The following SASH1 variants were observed in gnomAD, a reference collection of about 807,000 sequenced individuals.
The protein encoded by SASH1 is SAM and SH3 domain-containing protein 1.
SASH1 carries 44 observed loss-of-function variants against 125.2 expected under a neutral mutation model. The observed-to-expected ratio is 0.35, with a 90% CI of 0.28 to 0.45. SASH1 has a LOEUF of 0.45. SASH1 is among the 20% of genes least tolerant of loss of function. The pLI is 1.00. For synonymous variants in SASH1, 639 were observed against 649.1 expected, an observed-to-expected ratio of 0.98 and a Z score of 0.24; for missense variants, 1,426 against 1,614.5, an observed-to-expected ratio of 0.88 and a Z score of 2.00.
intron 2 of SASH1, among the ~76,000 whole-genome samples, chr6:148,404,337 T>G (rs955514890): frequency 1.2e-4 from 18 of 152,284 alleles, no homozygotes; most frequent in African/African-American, 4.1e-4. Flanking sequence ...GAAAGTGTAT[T>G]TGATAAGACA....
chr6:148,358,958 A>G (rs1025920694), intron 1 of SASH1, among the ~76,000 whole-genome samples: 3 of 151,702 alleles, frequency 2.0e-5, no homozygotes, highest in Admixed American at 6.6e-5. Flanking sequence ...GATGGTCTTG[A>G]TCTCCTGACC....
At chr6:148,520,777 CT>C (rs1297343184) in intron 10 of SASH1, among the ~76,000 whole-genome samples, 2 of 152,162 alleles carry the variant, frequency 1.3e-5, no homozygotes, top group African/African-American at 4.8e-5. Context: ...GATGCTTGCT[CT>C]TGGTTTTAAA....
intron 6 of SASH1, among the ~76,000 whole-genome samples, chr6:148,473,070 AATGGGAC>A (rs1778187025): frequency 6.6e-6 from 1 of 152,090 alleles, no homozygotes; most frequent in Admixed American, 6.5e-5. Context: ...TTTGGAATCT[AATGGGAC>A]ATTCTCTTCT....
At chr6:148,331,374 G>T (rs1223668323) in intron 1 of SASH1, among the ~76,000 whole-genome samples, 1 of 152,150 alleles carries the variant, frequency 6.6e-6, no homozygotes, top group Non-Finnish European at 1.5e-5. Context: ...CTGTCACCCA[G>T]GCTGGGGTGC....
At chr6:148,375,585 A>G (rs1782860408) in intron 1 of SASH1, among the ~76,000 whole-genome samples, 1 of 152,216 alleles carries the variant, frequency 6.6e-6, no homozygotes, top group African/African-American at 2.4e-5. Flanking sequence ...GAAAATTGAG[A>G]TCATCTTGAG....
chr6:148,547,275 G>A (rs143496707), intron 19 of SASH1, among the ~76,000 whole-genome samples: 334 of 152,212 alleles, frequency 2.2e-3, no homozygotes, highest in African/African-American at 7.1e-3. Flanking sequence ...TGATGACTAC[G>A]GGCTACTAAG....
Position 148,525,331 on chromosome 6 carries a change from C to G in SASH1, c.1250C>G (p.Ser417Cys). The change falls in exon 11 of 20, where the codon TCT (serine) becomes TGT (cysteine). Residue 417 changes from serine to cysteine, a missense_variant. Physicochemically the swap from Ser to Cys is moderately radical, Grantham distance 112. Coordinates refer to ENST00000367467, the MANE Select transcript of SASH1 (RefSeq NM_015278.5). ...SFGGFDLTNR[S>C]LHVGSNNSDP... ...GGAGGATTTGACTTGACGAATCGCT[C>G]TCTGCACGTTGGCAGTAATAATTCT... 1.2e-6 allele frequency: 2 copies of G among 1,614,056 alleles called. No homozygotes were observed. The highest frequency in any genetic ancestry group is 1.7e-5 in the Admixed American group (1 of 60,030).
At chr6:148,539,136 C>CAAAT (rs567841621) in intron 16 of SASH1, among the ~76,000 whole-genome samples, 162 of 151,626 alleles carry the variant, frequency 1.1e-3, no homozygotes, top group African/African-American at 3.5e-3. Flanking sequence ...GCACAGTTGA[C>CAAAT]AAATAATGAT....
At chr6:148,540,984 CTTGT>C (rs895175653) in intron 17 of SASH1, among the ~76,000 whole-genome samples, 6 of 152,068 alleles carry the variant, frequency 3.9e-5, no homozygotes, top group Admixed American at 2.6e-4. Context: ...GGCCACATGT[CTTGT>C]TTGTGGCCTC....
chr6:148,521,244 T>C (rs1433967313), intron 10 of SASH1, among the ~76,000 whole-genome samples: 1 of 152,256 alleles, frequency 6.6e-6, no homozygotes, highest in Non-Finnish European at 1.5e-5. Flanking sequence ...CTTGGCCCTC[T>C]GTCACCTGGC....
the SASH1 span, among the ~76,000 whole-genome samples, chr6:148,241,645 A>G: frequency 1.3e-5 from 2 of 152,240 alleles, no homozygotes; most frequent in Non-Finnish European, 2.9e-5. Flanking sequence ...GCGAGCTGCA[A>G]TATCATATAG....
At chr6:148,356,687 T>C (rs1781960326) in intron 1 of SASH1, among the ~76,000 whole-genome samples, 1 of 152,090 alleles carries the variant, frequency 6.6e-6, no homozygotes, top group South Asian at 2.1e-4. Context: ...GCTCCTGACC[T>C]CAGGTGATCC....
chr6:148,526,389 T>A (rs958538132), intron 11 of SASH1, among the ~76,000 whole-genome samples: 23 of 152,150 alleles, frequency 1.5e-4, no homozygotes, highest in Non-Finnish European at 1.5e-5. Context: ...TAGTTTAGCT[T>A]GTCCTTTGCA....
Position 148,441,322 on chromosome 6 carries a change from G to A in SASH1, c.386+915G>A, listed in dbSNP as rs139497591. ...ACGTGTGTGTGCTGCTGGCACAGGCGGTTCTGGGAGGAGGGCTGCTTTGCC... is the reference window on the plus strand; with the variant it reads ...ACGTGTGTGTGCTGCTGGCACAGGCAGTTCTGGGAGGAGGGCTGCTTTGCC... On this transcript the variant is annotated intron_variant, in intron 4 of 19. Coordinates refer to ENST00000367467, the MANE Select transcript of SASH1 (RefSeq NM_015278.5). 6.0e-4 allele frequency among the ~76,000 whole-genome samples: 92 copies of A among 152,312 alleles called. No individual in the cohort carries two copies. The East Asian group carries it at 0.014, about 23-fold the overall frequency.
chr6:148,515,827 G>A (rs1780405165), intron 9 of SASH1, among the ~76,000 whole-genome samples: 3 of 152,120 alleles, frequency 2.0e-5, no homozygotes, highest in South Asian at 4.1e-4. Flanking sequence ...GGCACATTTG[G>A]TAACAAATCT....
At chr6:148,272,581 T>C (rs1433527622) in intron 1 of SASH1, among the ~76,000 whole-genome samples, 3 of 152,204 alleles carry the variant, frequency 2.0e-5, no homozygotes, top group African/African-American at 7.2e-5. Flanking sequence ...CACCGGGCTT[T>C]GCCATTTTTG....
chr6:148,547,329 A>C (rs1782632395), intron 19 of SASH1, among the ~76,000 whole-genome samples: 1 of 152,186 alleles, frequency 6.6e-6, no homozygotes, highest in Non-Finnish European at 1.5e-5. Flanking sequence ...TTTGTTAGAC[A>C]AAGGGATGAT....
chr6:148,237,183 A>ATTTT, the SASH1 span, among the ~76,000 whole-genome samples: 1 of 147,246 alleles, frequency 6.8e-6, no homozygotes, highest in East Asian at 2.0e-4. Flanking sequence ...TTTTATCTGC[A>ATTTT]TTTTTTTTTT....
chr6:148,395,282 C>T (rs928696787), intron 2 of SASH1, among the ~76,000 whole-genome samples: 1 of 152,146 alleles, frequency 6.6e-6, no homozygotes, highest in Non-Finnish European at 1.5e-5. Flanking sequence ...TCAAAAAATG[C>T]ATTGTCCTTA....
Sources: gnomAD v4.1 joint callset for allele counts (sites outside exome capture counted in the v4.1 genomes callset) on GRCh38, gnomAD v4.1.1 for gene constraint, MANE v1.5 for transcripts, NCBI Gene and HGNC (gene_info 2026-07-23, HGNC 2026-07-21) for gene names.